Variants in PTPN13 observed in about 807,000 individuals in gnomAD.
The protein encoded by PTPN13 is tyrosine-protein phosphatase non-receptor type 13.
PTPN13 carries 191 observed loss-of-function variants against 284.0 expected under a neutral mutation model. The ratio of observed to expected loss-of-function variants is 0.67; its 90% CI spans 0.60 to 0.76. The LOEUF is 0.76. Among genes scored for constraint, PTPN13 ranks in the 30% least tolerant of loss-of-function variants. The pLI, the probability that PTPN13 is intolerant of heterozygous loss-of-function variation, is 0.00. For synonymous variants in PTPN13, 986 were observed against 1,022.3 expected, an observed-to-expected ratio of 0.96 and a Z score of 0.68; for missense variants, 2,797 against 2,939.9, an observed-to-expected ratio of 0.95 and a Z score of 1.12.
chr4:86,752,113 G>T (rs1326206275), intron 19 of PTPN13, among the ~76,000 whole-genome samples: 1 of 152,138 alleles, frequency 6.6e-6, no homozygotes, highest in Non-Finnish European at 1.5e-5. Flanking sequence ...TAAGCACAGA[G>T]ATCTGAACTA....
chr4:86,814,449 G>GC lies in PTPN13; in HGVS notation c.7363-5dup. ...AAAGTATTCTATCTCACTTTTTTTG[G>GC]CCATAGGATCAATATATTTTCTGCT... On this transcript the variant is annotated splice_polypyrimidine_tract_variant and splice_region_variant and intron_variant, in intron 47 of 47. Coordinates refer to ENST00000411767, the MANE Select transcript of PTPN13 (RefSeq NM_080683.3). The GC allele has an allele frequency of 2.5e-6, 4 of 1,581,254 alleles. No homozygotes were observed. Among genetic ancestry groups the GC allele is most frequent in the Non-Finnish European group, 3.5e-6 (4 of 1,155,920 alleles).
At chr4:86,673,622 A>G (rs114539933) in intron 3 of PTPN13, among the ~76,000 whole-genome samples, 9 of 152,322 alleles carry the variant, frequency 5.9e-5, no homozygotes, top group African/African-American at 2.2e-4. Context: ...GACTGATGTA[A>G]TTTGTGATTT....
intron 2 of PTPN13, among the ~76,000 whole-genome samples, chr4:86,648,355 C>T (rs1724677052): frequency 6.6e-6 from 1 of 152,102 alleles, no homozygotes; most frequent in South Asian, 2.1e-4. Flanking sequence ...ACCCATTAAC[C>T]ATCCTCTCTT....
At chr4:86,638,992 C>T (rs1723403309) in intron 2 of PTPN13, among the ~76,000 whole-genome samples, 4 of 152,078 alleles carry the variant, frequency 2.6e-5, no homozygotes, top group African/African-American at 9.7e-5. Flanking sequence ...AAGAAAAAAA[C>T]AACCCCATCA....
chr4:86,680,878 TA>T (rs1333134510), intron 3 of PTPN13, among the ~76,000 whole-genome samples: 1 of 152,194 alleles, frequency 6.6e-6, no homozygotes, highest in African/African-American at 2.4e-5. Context: ...ACATCCTGTG[TA>T]CCATCCATTC....
intron 7 of PTPN13, among the ~76,000 whole-genome samples, chr4:86,715,171 C>G (rs1291172023): frequency 6.6e-6 from 1 of 151,838 alleles, no homozygotes; most frequent in Non-Finnish European, 1.5e-5. Context: ...AGGCTTTTAC[C>G]TGAATTGAGT....
At chr4:86,672,656 C>T (rs1483048277) in intron 3 of PTPN13, 113 bp downstream of exon 3, 16 of 778,212 alleles carry the variant, frequency 2.1e-5, no homozygotes, top group South Asian at 1.3e-4. Context: ...TTTAAATGAC[C>T]GTGTATTCCA....
chr4:86,772,482 A>G (rs1578632063), intron 31 of PTPN13, among the ~76,000 whole-genome samples: 1 of 152,068 alleles, frequency 6.6e-6, no homozygotes, highest in Non-Finnish European at 1.5e-5. Context: ...TGATCCTGGG[A>G]GGCAGAGGCT....
At chr4:86,775,099 T>C in intron 33 of PTPN13, 72 bp from the exon 34 acceptor site, 1 of 1,097,664 alleles carries the variant, frequency 9.1e-7, no homozygotes, top group Non-Finnish European at 1.3e-6. Flanking sequence ...AGGATTATTG[T>C]ATTTTCTTGG....
chr4:86,631,156 T>C (rs754718422), intron 1 of PTPN13, among the ~76,000 whole-genome samples: 22 of 152,200 alleles, frequency 1.4e-4, no homozygotes, highest in Admixed American at 1.0e-3. Flanking sequence ...GTTATATATC[T>C]GTACTCCCAA....
At chr4:86,611,362 C>A (rs1719865660) in intron 1 of PTPN13, among the ~76,000 whole-genome samples, 1 of 152,132 alleles carries the variant, frequency 6.6e-6, no homozygotes, top group South Asian at 2.1e-4. Context: ...AGAAAACAAT[C>A]TAGAGGGGTG....
chr4:86,741,837 T>C, intron 16 of PTPN13, 21 bp downstream of exon 16: 3 of 1,547,128 alleles, frequency 1.9e-6, no homozygotes, highest in Non-Finnish European at 2.6e-6. Context: ...TTAACCTCTT[T>C]TCATTATATT....
At chr4:86,769,741 TA>T in intron 28 of PTPN13, 27 bp from the exon 29 acceptor site, 2 of 1,430,648 alleles carry the variant, frequency 1.4e-6, no homozygotes, top group Non-Finnish European at 1.9e-6. Flanking sequence ...TAATAATATC[TA>T]AATTTTTTTT....
Position 86,774,417 on chromosome 4 carries a change from C to A in PTPN13, c.5394C>A (p.Ser1798Arg). ...CCCTAATTAAATCAGAAAAAGGAAG[C>A]CTGGGTTTTACAGTAACCAAAGGCA... ...LITLIKSEKG[S>R]LGFTVTKGNQ... Residue 1798 changes from serine (S) to arginine (R), a missense_variant, in exon 33 of 48, where the codon AGC becomes AGA. Physicochemically the swap from Ser to Arg is moderately radical, Grantham distance 110 (BLOSUM62 -1). Transcript: ENST00000411767. 6.2e-7 allele frequency: 1 copy of A among 1,606,696 alleles called. No homozygotes were observed. Among genetic ancestry groups the A allele is most frequent in the Non-Finnish European group, 8.5e-7 (1 of 1,176,298 alleles).
chr4:86,769,069 G>T (rs374997751), intron 28 of PTPN13, among the ~76,000 whole-genome samples: 1 of 151,656 alleles, frequency 6.6e-6, no homozygotes, highest in African/African-American at 2.4e-5. Context: ...CATGAGCAAA[G>T]ACTTTAAATG....
intron 19 of PTPN13, 42 bp from the exon 20 acceptor site, chr4:86,752,967 T>C (rs2149214634): frequency 6.9e-7 from 1 of 1,440,428 alleles, no homozygotes; most frequent in African/African-American, 1.4e-5. Context: ...ATCTAGCATC[T>C]GACCATCTTA....
chr4:86,631,469 TA>T (rs551853285), intron 1 of PTPN13, among the ~76,000 whole-genome samples: 219 of 152,306 alleles, frequency 1.4e-3, no homozygotes, highest in African/African-American at 5.2e-3. Context: ...AATACTACAT[TA>T]AATTCTGACA....
intron 1 of PTPN13, among the ~76,000 whole-genome samples, chr4:86,599,525 G>GCTCAGGAGC (rs1454388140): frequency 6.6e-6 from 1 of 152,016 alleles, no homozygotes; most frequent in Admixed American, 6.5e-5. Flanking sequence ...TATTTTAAGT[G>GCTCAGGAGC]CTCAGGAGCC....
chr4:86,660,430 T>C (rs1164260919), intron 2 of PTPN13, among the ~76,000 whole-genome samples: 1 of 152,080 alleles, frequency 6.6e-6, no homozygotes, highest in Non-Finnish European at 1.5e-5. Flanking sequence ...ATAGGAAATA[T>C]AGAAAGTTTT....
Sources: allele counts gnomAD v4.1 joint callset (sites outside exome capture counted in the v4.1 genomes callset), GRCh38; gene constraint gnomAD v4.1.1; transcripts MANE v1.5; gene names NCBI Gene and HGNC (gene_info 2026-07-23, HGNC 2026-07-21).